Variants in KSR2 observed in about 807,000 individuals in gnomAD.
KSR2 encodes kinase suppressor of ras 2.
KSR2 carries 25 observed loss-of-function variants against 107.8 expected under a neutral mutation model. The ratio of observed to expected loss-of-function variants is 0.23; its 90% confidence interval spans 0.17 to 0.32. KSR2 has a LOEUF of 0.32. KSR2 is among the 10% of genes least tolerant of loss of function. The pLI is 1.00. For missense variants in KSR2, 887 were observed against 1,268.9 expected (o/e 0.70, Z 4.57); for synonymous variants, 480 against 507.0 (o/e 0.95, Z 0.71).
chr12:117,933,369 T>A (rs946104130), intron 1 of KSR2, among the ~76,000 whole-genome samples: 1 of 152,100 alleles, frequency 6.6e-6, no homozygotes, highest in Admixed American at 6.6e-5. Flanking sequence ...GACAGGCAGA[T>A]CACGAGGTCA....
In KSR2 at chr12:117,731,744, C is replaced by G. The variant is rs4644702; in HGVS notation, c.986+29267G>C. ...TGATCTGTGACCTTACCCCCAACCC[C>G]GTGCTCTCTGAAACATGTGCTGTGT... On this transcript the variant is annotated intron_variant, in intron 4 of 19. Transcript: ENST00000339824. Among the ~76,000 whole-genome samples the G allele has an allele frequency of 7.2e-5, 11 of 151,770 alleles. No individual in the cohort carries two copies. The East Asian group carries it at 9.7e-4, about 13-fold the overall frequency.
At chr12:117,546,664 TTC>T (rs1876891039) in intron 9 of KSR2, among the ~76,000 whole-genome samples, 1 of 152,232 alleles carries the variant, frequency 6.6e-6, no homozygotes, top group South Asian at 2.1e-4. Flanking sequence ...TCAGGCCATT[TTC>T]TCTCTGTTAT....
At chr12:117,889,824 A>G (rs1252919517) in intron 1 of KSR2, 1 of 152,214 alleles carries the variant, frequency 6.6e-6, no homozygotes, top group Non-Finnish European at 1.5e-5. Context: ...AGCTGTTACT[A>G]AAATCTAGTG....
intron 1 of KSR2, among the ~76,000 whole-genome samples, chr12:117,863,100 T>C (rs1336761863): frequency 6.6e-6 from 1 of 152,128 alleles, no homozygotes; most frequent in African/African-American, 2.4e-5. Context: ...TGGCCCACAG[T>C]CCATCCGGCT....
chr12:117,656,940 GGA>G (rs1884182593), intron 5 of KSR2, among the ~76,000 whole-genome samples: 1 of 36,702 alleles, frequency 2.7e-5, no homozygotes, highest in African/African-American at 8.9e-5. Flanking sequence ...ATATATAATA[GGA>G]TATATATATA....
chr12:117,854,499 T>C (rs1893033224), intron 3 of KSR2, among the ~76,000 whole-genome samples: 1 of 152,204 alleles, frequency 6.6e-6, no homozygotes, highest in South Asian at 2.1e-4. Context: ...CCTAGAACAA[T>C]ATTCAACAAA....
At chr12:117,628,244 T>C (rs1362680222) in intron 5 of KSR2, among the ~76,000 whole-genome samples, 1 of 152,192 alleles carries the variant, frequency 6.6e-6, no homozygotes, top group Non-Finnish European at 1.5e-5. Flanking sequence ...CCGTTGCTGG[T>C]GAGGAGCTGC....
chr12:117,726,228 A>G (rs760352437), intron 4 of KSR2, among the ~76,000 whole-genome samples: 26 of 152,220 alleles, frequency 1.7e-4, no homozygotes, highest in Non-Finnish European at 3.2e-4. Context: ...CAATTTAAAA[A>G]TAAGCATGAG....
At chr12:117,899,122 C>T (rs940616582) in intron 1 of KSR2, among the ~76,000 whole-genome samples, 1 of 152,144 alleles carries the variant, frequency 6.6e-6, no homozygotes, top group African/African-American at 2.4e-5. Context: ...CTCTGCTTAT[C>T]CCAAAGTCAA....
intron 3 of KSR2, among the ~76,000 whole-genome samples, chr12:117,776,567 G>A (rs1031161624): frequency 1.3e-4 from 20 of 152,048 alleles, no homozygotes; most frequent in African/African-American, 4.8e-4. Flanking sequence ...TATTGCTGGG[G>A]GTAACTGGAT....
At chr12:117,615,410 GC>G (rs1881822830) in intron 5 of KSR2, among the ~76,000 whole-genome samples, 1 of 152,006 alleles carries the variant, frequency 6.6e-6, no homozygotes, top group Non-Finnish European at 1.5e-5. Flanking sequence ...TTTGCTACCA[GC>G]CCCCATTACC....
chr12:117,613,167 G>A (rs1448258424), intron 5 of KSR2, among the ~76,000 whole-genome samples: 2 of 152,214 alleles, frequency 1.3e-5, no homozygotes, highest in Non-Finnish European at 2.9e-5. Context: ...AACAGTATAG[G>A]AAATGACTCT....
chr12:117,732,100 T>G (rs1469772592), intron 4 of KSR2, among the ~76,000 whole-genome samples: 2 of 151,458 alleles, frequency 1.3e-5, no homozygotes, highest in African/African-American at 4.9e-5. Context: ...GGTGCCACAG[T>G]TCTCTCTCTA....
In KSR2 at chr12:117,896,712, G is replaced by A. The variant is rs975205166; in HGVS notation, c.181-36281C>T. On this transcript the variant is annotated intron_variant, in intron 1 of 19. Transcript: ENST00000339824. Reference sequence around the variant, plus strand: ...TGACCTCAGGTGATCCCTCTGCCTCGGCCTCCCAAAGTGCTGGGATTATAG... The same window carrying A: ...TGACCTCAGGTGATCCCTCTGCCTCAGCCTCCCAAAGTGCTGGGATTATAG... Among the ~76,000 whole-genome samples, 6 of 152,072 alleles carry A rather than the reference G, an allele frequency of 3.9e-5. No individual in the cohort carries two copies. The East Asian group carries it at 9.7e-4, about 24-fold the overall frequency.
At chr12:117,634,379 C>G (rs2136382276) in intron 5 of KSR2, among the ~76,000 whole-genome samples, 1 of 152,306 alleles carries the variant, frequency 6.6e-6, no homozygotes, top group African/African-American at 2.4e-5. Flanking sequence ...TGCATCAGAT[C>G]CTCTGTAGAA....
At chr12:117,825,055 A>C (rs947025632) in intron 3 of KSR2, among the ~76,000 whole-genome samples, 4 of 150,210 alleles carry the variant, frequency 2.7e-5, no homozygotes, top group African/African-American at 4.9e-5. Context: ...AGTGGCACAC[A>C]CCTGTAGTCC....
intron 5 of KSR2, among the ~76,000 whole-genome samples, chr12:117,597,939 G>T (rs920099354): frequency 2.0e-5 from 3 of 152,156 alleles, no homozygotes; most frequent in African/African-American, 7.2e-5. Flanking sequence ...AGAGAAAACC[G>T]CAGATCAGAG....
chr12:117,825,808 C>T (rs1444964694), intron 3 of KSR2, among the ~76,000 whole-genome samples: 2 of 150,730 alleles, frequency 1.3e-5, no homozygotes, highest in African/African-American at 4.9e-5. Context: ...GAGGAATGGA[C>T]AGATGGAAGA....
intron 4 of KSR2, among the ~76,000 whole-genome samples, chr12:117,731,770 C>CA (rs1887721973): frequency 3.3e-5 from 5 of 151,834 alleles, no homozygotes; most frequent in South Asian, 4.2e-4. Flanking sequence ...TGTGCTGTGT[C>CA]CACTCAGGGT....
Sources: gnomAD v4.1 joint callset for allele counts (sites outside exome capture counted in the v4.1 genomes callset) on GRCh38, gnomAD v4.1.1 for gene constraint, MANE v1.5 for transcripts, NCBI Gene and HGNC (gene_info 2026-07-23, HGNC 2026-07-21) for gene names.